The following EMC3 variants were observed in gnomAD, a reference collection of about 807,000 sequenced individuals.
The protein encoded by EMC3 is ER membrane protein complex subunit 3.
A neutral mutation model predicts 36.6 loss-of-function variants in EMC3; 13 were observed. That is an observed-to-expected ratio of 0.35 (90% confidence interval 0.23 to 0.56). The LOEUF is 0.56. Ranked by LOEUF, EMC3 falls within the 20% of genes least tolerant of loss-of-function variation. The pLI is 0.84. For missense variants in EMC3, 220 were observed against 324.5 expected (o/e 0.68, Z 2.47); for synonymous variants, 120 against 111.9 (o/e 1.07, Z -0.46).
At chr3:9,967,403 G>A (rs1352563288) in intron 7 of EMC3, among the ~76,000 whole-genome samples, 1 of 152,138 alleles carries the variant, frequency 6.6e-6, no homozygotes, top group East Asian at 1.9e-4. Flanking sequence ...TGTGAAATAG[G>A]TGCCCAGCCT....
intron 1 of EMC3, among the ~76,000 whole-genome samples, chr3:9,994,811 A>AT (rs1010334466): frequency 6.6e-6 from 1 of 152,046 alleles, no homozygotes; most frequent in Non-Finnish European, 1.5e-5. Context: ...AGCTCAGGTG[A>AT]TTCACCTGCC....
intron 1 of EMC3, among the ~76,000 whole-genome samples, chr3:9,995,925 T>A (rs76364705): frequency 0.017 from 2,562 of 152,254 alleles, 79 homozygotes; most frequent in African/African-American, 0.058. Context: ...TAGCCATAGT[T>A]CGAGCATTTT....
chr3:9,988,731 C>T, upstream of EMC3: 1 of 1,525,064 alleles, frequency 6.6e-7, no homozygotes, highest in Non-Finnish European at 9.0e-7. Flanking sequence ...AACACTGCCT[C>T]AGTATCTGAA....
chr3:9,985,936 T>C (rs1248112468), intron 1 of EMC3, among the ~76,000 whole-genome samples: 1 of 152,052 alleles, frequency 6.6e-6, no homozygotes, highest in African/African-American at 2.4e-5. Context: ...AATACTGCAA[T>C]GAAATATGTG....
chr3:9,993,075 T>G (rs957434650), intron 1 of EMC3: 1 of 859,718 alleles, frequency 1.2e-6, no homozygotes, highest in Non-Finnish European at 1.9e-6. Context: ...TCATGTAAAA[T>G]TTCATCTTAT....
chr3:9,966,088 G>GAAA lies in EMC3; in HGVS notation c.658-1894_658-1892dup, dbSNP rs1291582574. 2.0e-5 allele frequency among the ~76,000 whole-genome samples: 3 copies of GAAA among 152,260 alleles called. No homozygotes were observed. In the East Asian group the frequency reaches 5.8e-4, roughly 29 times the overall value. On this transcript the variant is annotated intron_variant, in intron 7 of 7. Transcript: ENST00000245046. ...TGTTTTAACTGTTTGAGGAAAGGCAGAAAAACTGTTTTCCAAAGTGGCTGT... is the reference window on the plus strand; with the variant it reads ...TGTTTTAACTGTTTGAGGAAAGGCAGAAAAAAAACTGTTTTCCAAAGTGGCTGT...
intron 3 of EMC3, 140 bp from the exon 4 acceptor site, chr3:9,974,628 A>C: frequency 1.8e-6 from 1 of 549,296 alleles, no homozygotes; most frequent in Non-Finnish European, 3.3e-6. Flanking sequence ...GTGCGATCTC[A>C]GCTCACTGCA....
At chr3:10,004,827 G>A (rs2086246480) in intron 1 of EMC3, 1 of 152,500 alleles carries the variant, frequency 6.6e-6, no homozygotes, top group Admixed American at 6.5e-5. Context: ...ACGGCCCTCA[G>A]ACCCAGAGGG....
chr3:9,986,214 C>T (rs1425443309), intron 1 of EMC3, among the ~76,000 whole-genome samples: 2 of 152,266 alleles, frequency 1.3e-5, no homozygotes, highest in Non-Finnish European at 2.9e-5. Context: ...CACCGAGGGT[C>T]GGCGACTAAC....
chr3:9,990,325 C>CTCTTT (rs756491768), upstream of EMC3, among the ~76,000 whole-genome samples: 2 of 88,704 alleles, frequency 2.3e-5, no homozygotes, highest in African/African-American at 1.2e-4. Context: ...GGGCCTTTCT[C>CTCTTT]TTTTTTTTTT....
At chr3:9,995,554 G>C (rs571934195) in intron 1 of EMC3, among the ~76,000 whole-genome samples, 2 of 151,082 alleles carry the variant, frequency 1.3e-5, no homozygotes, top group Non-Finnish European at 2.9e-5. Context: ...GAGAGGCCTC[G>C]GTGGTGAATC....
chr3:9,971,148 C>T (rs960989852), intron 5 of EMC3, among the ~76,000 whole-genome samples: 2 of 152,100 alleles, frequency 1.3e-5, no homozygotes, highest in South Asian at 2.1e-4. Context: ...GTCTCGAACT[C>T]CTGACCTCAA....
At chr3:9,975,506 T>TA (rs34914002) in intron 3 of EMC3, among the ~76,000 whole-genome samples, 193 of 135,032 alleles carry the variant, frequency 1.4e-3, no homozygotes, top group African/African-American at 1.5e-3. Context: ...CTTACTGGGC[T>TA]AAAAAAAAAA....
chr3:9,965,251 T>A (rs911469089), intron 7 of EMC3, among the ~76,000 whole-genome samples: 9 of 151,304 alleles, frequency 5.9e-5, no homozygotes, highest in East Asian at 1.9e-4. Context: ...TATACAAATT[T>A]AAAAAAAAAT....
upstream of EMC3, among the ~76,000 whole-genome samples, chr3:9,990,861 C>T (rs554405383): frequency 6.6e-6 from 1 of 150,564 alleles, no homozygotes; most frequent in Non-Finnish European, 1.5e-5. Context: ...GACGGAGTCT[C>T]GCTGTCGCCC....
chr3:9,988,638 A>G, upstream of EMC3: 1 of 927,856 alleles, frequency 1.1e-6, no homozygotes, highest in Non-Finnish European at 1.8e-6. Context: ...ATGAGATAAC[A>G]GGGCATGCTG....
intron 5 of EMC3, among the ~76,000 whole-genome samples, 194 bp from the exon 6 acceptor site, chr3:9,970,855 A>G (rs2085777905): frequency 6.6e-6 from 1 of 152,238 alleles, no homozygotes; most frequent in Non-Finnish European, 1.5e-5. Flanking sequence ...CTATATTTCA[A>G]AAAATCCAAA....
At chr3:10,007,904 A>G (rs1380072899) in intron 1 of EMC3, among the ~76,000 whole-genome samples, 2 of 152,178 alleles carry the variant, frequency 1.3e-5, no homozygotes, top group Non-Finnish European at 2.9e-5. Flanking sequence ...CCCCAGTCAG[A>G]TAAGATTCTC....
chr3:9,974,554 T>C, intron 3 of EMC3, 66 bp from the exon 4 acceptor site: 2 of 1,158,638 alleles, frequency 1.7e-6, no homozygotes, highest in Non-Finnish European at 2.6e-6. Flanking sequence ...TTTCTCCTGA[T>C]TTTCTGTAAA....
Sources: gnomAD v4.1 joint callset for allele counts (sites outside exome capture counted in the v4.1 genomes callset) on GRCh38, gnomAD v4.1.1 for gene constraint, MANE v1.5 for transcripts, NCBI Gene and HGNC (gene_info 2026-07-23, HGNC 2026-07-21) for gene names.